The following DLGAP2 variants were observed in gnomAD, a reference collection of about 807,000 sequenced individuals.
DLGAP2 encodes the protein DLG associated protein 2.
Under a neutral mutation model 100.3 loss-of-function variants are expected in DLGAP2, and 26 were observed. The ratio of observed to expected loss-of-function variants is 0.26; its 90% CI spans 0.19 to 0.36. DLGAP2 has a LOEUF of 0.36. DLGAP2 is among the 10% of genes least tolerant of loss of function. DLGAP2 has a pLI of 1.00. For missense variants in DLGAP2, 1,858 were observed against 1,453.2 expected (o/e 1.28, Z -4.53); for synonymous variants, 886 against 630.1 (o/e 1.41, Z -6.08).
chr8:1,619,316 C>G (rs554704736), intron 6 of DLGAP2, among the ~76,000 whole-genome samples: 3 of 152,186 alleles, frequency 2.0e-5, no homozygotes, highest in Non-Finnish European at 4.4e-5. Flanking sequence ...AAAAGAATGA[C>G]AATACAACAT....
intron 2 of DLGAP2, among the ~76,000 whole-genome samples, chr8:1,088,639 A>G (rs1478165874): frequency 1.3e-5 from 2 of 149,984 alleles, no homozygotes; most frequent in Non-Finnish European, 3.0e-5. Context: ...TGCTCCCACC[A>G]CCCCACTCTC....
At chr8:843,768 A>G (rs569299064) in intron 1 of DLGAP2, among the ~76,000 whole-genome samples, 1 of 152,320 alleles carries the variant, frequency 6.6e-6, no homozygotes, top group East Asian at 1.9e-4. Context: ...GAGTAGTTGT[A>G]AAGGAGGATT....
chr8:1,333,678 T>G (rs1284154707), intron 3 of DLGAP2, among the ~76,000 whole-genome samples: 2 of 152,208 alleles, frequency 1.3e-5, no homozygotes, highest in Admixed American at 6.5e-5. Flanking sequence ...CCGCGGGCTC[T>G]CCAGGCAGGT....
chr8:1,535,769 A>G (rs1256942932), intron 4 of DLGAP2, among the ~76,000 whole-genome samples: 1 of 152,228 alleles, frequency 6.6e-6, no homozygotes, highest in Non-Finnish European at 1.5e-5. Flanking sequence ...TCCACTTAGG[A>G]CACATTGTTG....
intron 3 of DLGAP2, among the ~76,000 whole-genome samples, chr8:1,460,079 T>C (rs1016339920): frequency 2.0e-5 from 3 of 152,220 alleles, no homozygotes; most frequent in African/African-American, 7.2e-5. Context: ...CAAGAACACG[T>C]GCAGCGTGAG....
chr8:1,114,386 G>A (rs1805052920), intron 2 of DLGAP2, among the ~76,000 whole-genome samples: 2 of 152,144 alleles, frequency 1.3e-5, no homozygotes, highest in East Asian at 1.9e-4. Flanking sequence ...GCTTGTTATT[G>A]GTCTGCTCAA....
intron 1 of DLGAP2, among the ~76,000 whole-genome samples, chr8:840,636 C>T (rs113057887): frequency 1.1e-4 from 12 of 105,518 alleles, no homozygotes; most frequent in South Asian, 3.3e-4. Context: ...TGCACGCCTG[C>T]ATGTCTCCCT....
intron 1 of DLGAP2, among the ~76,000 whole-genome samples, chr8:845,263 C>G (rs1371364636): frequency 6.6e-6 from 1 of 152,146 alleles, no homozygotes; most frequent in Non-Finnish European, 1.5e-5. Context: ...TTCTGCCAGT[C>G]GTATAGGAGG....
intron 3 of DLGAP2, chr8:1,302,388 G>A (rs1800373620): frequency 1.0e-5 from 1 of 99,748 alleles, no homozygotes; most frequent in Non-Finnish European, 2.1e-5. Context: ...TCCATACCTG[G>A]GACCGGACTC....
intron 2 of DLGAP2, among the ~76,000 whole-genome samples, chr8:1,155,357 G>A (rs901710434): frequency 2.6e-5 from 4 of 152,194 alleles, no homozygotes; most frequent in African/African-American, 9.6e-5. Flanking sequence ...GGGCATCCGG[G>A]CTGGGGGGTC....
intron 2 of DLGAP2, among the ~76,000 whole-genome samples, chr8:946,851 G>T (rs545285448): frequency 1.3e-5 from 2 of 152,162 alleles, no homozygotes; most frequent in African/African-American, 4.8e-5. Context: ...CAGCTCCCCC[G>T]TCCCTGACGG....
At chr8:1,303,128 T>C (rs1800399090) in intron 3 of DLGAP2, among the ~76,000 whole-genome samples, 1 of 152,146 alleles carries the variant, frequency 6.6e-6, no homozygotes, top group Non-Finnish European at 1.5e-5. Context: ...TGGGGCGCGG[T>C]GGCTCACGCC....
intron 2 of DLGAP2, among the ~76,000 whole-genome samples, chr8:1,050,862 C>G (rs76012370): frequency 6.6e-6 from 1 of 151,946 alleles, no homozygotes; most frequent in Admixed American, 6.6e-5. Context: ...GATTTCCATG[C>G]GGCAGTGTGT....
intron 1 of DLGAP2, among the ~76,000 whole-genome samples, chr8:884,769 A>C (rs909066196): frequency 6.6e-6 from 1 of 152,158 alleles, no homozygotes; most frequent in African/African-American, 2.4e-5. Context: ...TTTGGATTTT[A>C]AATTTAAGTC....
intron 7 of DLGAP2, among the ~76,000 whole-genome samples, chr8:1,630,678 G>T (rs553446692): frequency 5.9e-4 from 90 of 151,928 alleles, no homozygotes; most frequent in African/African-American, 2.1e-3. Flanking sequence ...CTCCAGCCTG[G>T]GCGACAGAGC....
chr8:1,648,980 A>G (rs1403231164), intron 8 of DLGAP2, among the ~76,000 whole-genome samples: 1 of 152,210 alleles, frequency 6.6e-6, no homozygotes, highest in Admixed American at 6.5e-5. Flanking sequence ...CCAGATCGGC[A>G]GCCACCACGA....
chr8:839,044 C>T (rs1412248742), intron 1 of DLGAP2, among the ~76,000 whole-genome samples: 4 of 152,138 alleles, frequency 2.6e-5, no homozygotes, highest in African/African-American at 9.7e-5. Context: ...GATATCACCT[C>T]ACACCTGTTA....
intron 1 of DLGAP2, among the ~76,000 whole-genome samples, chr8:750,767 C>G (rs1820769278): frequency 6.6e-6 from 1 of 152,232 alleles, no homozygotes; most frequent in Admixed American, 6.5e-5. Flanking sequence ...GATGGGAGAA[C>G]AGTGTTTCCT....
chr8:1,208,288 C>G (rs900766320), intron 2 of DLGAP2, among the ~76,000 whole-genome samples: 2 of 152,196 alleles, frequency 1.3e-5, no homozygotes, highest in Non-Finnish European at 2.9e-5. Flanking sequence ...TGTGGCTTGC[C>G]GATTATCCCA....
Sources: allele counts gnomAD v4.1 joint callset (sites outside exome capture counted in the v4.1 genomes callset), GRCh38; gene constraint gnomAD v4.1.1; transcripts MANE v1.5; gene names NCBI Gene and HGNC (gene_info 2026-07-23, HGNC 2026-07-21).